Variants in USP4 observed in about 807,000 individuals in gnomAD.
USP4 encodes ubiquitin carboxyl-terminal hydrolase 4.
Under a neutral mutation model 118.2 loss-of-function variants are expected in USP4, and 72 were observed. The observed-to-expected ratio is 0.61, with a 90% confidence interval of 0.50 to 0.74. USP4 has a LOEUF of 0.74. USP4 is among the 30% of genes least tolerant of loss of function. USP4 has a pLI of 0.00. For synonymous variants in USP4, 415 were observed against 440.4 expected (o/e 0.94, Z 0.72); for missense variants, 1,037 against 1,185.7 (o/e 0.87, Z 1.84).
At chr3:49,300,428 T>C (rs769175382) in intron 11 of USP4, 39 bp downstream of exon 11, 5 of 1,589,426 alleles carry the variant, frequency 3.1e-6, no homozygotes, top group African/African-American at 2.7e-5. Flanking sequence ...TGGAGACCAC[T>C]TGCAGTGAGG....
At chr3:49,323,422 G>A (rs1180650696) in intron 6 of USP4, among the ~76,000 whole-genome samples, 1 of 152,032 alleles carries the variant, frequency 6.6e-6, no homozygotes, top group Non-Finnish European at 1.5e-5. Flanking sequence ...GGGACTACAG[G>A]CACTCACCAT....
intron 10 of USP4, 80 bp downstream of exon 10, chr3:49,302,304 G>T: frequency 6.6e-7 from 1 of 1,504,534 alleles, no homozygotes; most frequent in South Asian, 1.3e-5. Context: ...AACACTCAAA[G>T]ACCAGAAGAA....
intron 15 of USP4, among the ~76,000 whole-genome samples, chr3:49,290,342 A>G (rs953849351): frequency 6.6e-6 from 1 of 152,198 alleles, no homozygotes; most frequent in Non-Finnish European, 1.5e-5. Context: ...TGAACCCAAG[A>G]GACTGAGGCT....
In USP4 at chr3:49,325,743, G is replaced by A. The variant is rs779610001; in HGVS notation, c.463C>T (p.His155Tyr). ...CCAATGGTGTCTGCCTTGCTGAAAT[G>A]GCAACTCAGCACATTGGTGGGGTCA... ...NSDPTNVLSC[H>Y]FSKADTIATI... Residue 155 changes from histidine to tyrosine, a missense_variant, in exon 4 of 22, where the codon CAT becomes TAT. His to Tyr is a moderately conservative substitution (Grantham distance 83). Coordinates refer to ENST00000265560, the MANE Select transcript of USP4 (RefSeq NM_003363.4). 2.5e-6 allele frequency: 4 copies of A among 1,613,816 alleles called. No individual in the cohort carries two copies. Among genetic ancestry groups the A allele is most frequent in the Non-Finnish European group, 3.4e-6 (4 of 1,179,884 alleles).
chr3:49,296,805 C>G (rs1347877836), intron 13 of USP4, among the ~76,000 whole-genome samples: 1 of 152,226 alleles, frequency 6.6e-6, no homozygotes, highest in African/African-American at 2.4e-5. Context: ...CTAAGCTCCC[C>G]ACAGGGTAAT....
chr3:49,310,601 T>C lies in USP4; in HGVS notation c.954+19A>G. The C allele has an allele frequency of 6.3e-7, 1 of 1,598,694 alleles. No individual in the cohort carries two copies. The highest frequency in any genetic ancestry group is 1.3e-5 in the African/African-American group (1 of 74,724). ...ACCTCAAGATGCTGTGTTATTTGAA[T>C]GGAAGTTCTCTCCTCTACCTGCAAA... On this transcript the variant is annotated intron_variant, in intron 8 of 21. Transcript: ENST00000265560.
At chr3:49,318,991 T>C (rs747205464) in intron 6 of USP4, among the ~76,000 whole-genome samples, 39 of 147,268 alleles carry the variant, frequency 2.6e-4, no homozygotes, top group Non-Finnish European at 4.6e-4. Flanking sequence ...TGCCAAGAAA[T>C]ATATTAAATT....
At chr3:49,317,362 TG>T in intron 6 of USP4, 1 of 1,165,006 alleles carries the variant, frequency 8.6e-7, no homozygotes, top group Non-Finnish European at 1.3e-6. Context: ...CTCCTCCTGC[TG>T]GATCTGCCAG....
At chr3:49,334,048 T>C (rs2047645727) in intron 2 of USP4, among the ~76,000 whole-genome samples, 1 of 151,528 alleles carries the variant, frequency 6.6e-6, no homozygotes, top group Admixed American at 6.6e-5. Flanking sequence ...CCCTGATCAC[T>C]GATCACCATA....
At chr3:49,292,786 T>C (rs1272817986) in intron 14 of USP4, among the ~76,000 whole-genome samples, 188 bp from the exon 15 acceptor site, 4 of 152,150 alleles carry the variant, frequency 2.6e-5, no homozygotes, top group Admixed American at 6.5e-5. Context: ...TCCCAGCACA[T>C]TGGGAAGCCA....
At chr3:49,335,826 G>GA (rs888253157) in intron 1 of USP4, among the ~76,000 whole-genome samples, 1 of 152,170 alleles carries the variant, frequency 6.6e-6, no homozygotes, top group African/African-American at 2.4e-5. Context: ...ATAAAAGAAA[G>GA]AAAACAAGTG....
intron 11 of USP4, among the ~76,000 whole-genome samples, chr3:49,300,005 G>T (rs896657152): frequency 6.6e-6 from 1 of 152,086 alleles, no homozygotes; most frequent in African/African-American, 2.4e-5. Context: ...CAACACTTTG[G>T]GAGGCCAAGA....
rs763502724 is a variant in USP4, at chr3:49,281,489, TATACAC to T, written c.2541-648_2541-643del. ...AAAAAAGTATGTGTATATATATATA[TATACAC>T]ACACACACACACACACACACACACA... On this transcript the variant is annotated intron_variant, in intron 19 of 21. Transcript: ENST00000265560. 5.6e-4 allele frequency among the ~76,000 whole-genome samples: 61 copies of T among 109,128 alleles called. 2 individuals are homozygous for T. Among genetic ancestry groups the T allele is most frequent in the Middle Eastern group, 4.9e-3 (1 of 206 alleles). The allele number at this position is 109,128 out of a possible 152,430, so 71.6% of individuals were successfully genotyped here.
At chr3:49,288,831 C>T (rs766416647) in intron 15 of USP4, among the ~76,000 whole-genome samples, 13 of 151,842 alleles carry the variant, frequency 8.6e-5, no homozygotes, top group African/African-American at 2.2e-4. Flanking sequence ...GTGGTTATGC[C>T]GGGCACAATG....
chr3:49,284,761 T>C (rs1170453399), intron 17 of USP4, 88 bp downstream of exon 17: 11 of 1,355,254 alleles, frequency 8.1e-6, no homozygotes, highest in South Asian at 1.2e-5. Flanking sequence ...ACTTGCTAAA[T>C]TGCTGTCCAA....
At chr3:49,308,321 TTATTA>T (rs1472416879) in intron 8 of USP4, among the ~76,000 whole-genome samples, 4 of 151,944 alleles carry the variant, frequency 2.6e-5, no homozygotes, top group Non-Finnish European at 5.9e-5. Flanking sequence ...TATTTATACT[TTATTA>T]TATATTTTTT....
rs1042815898 is a variant in USP4, at chr3:49,284,904, G to C, written c.2216C>G (p.Ala739Gly). Residue 739 changes from alanine (A) to glycine (G), a missense_variant, in exon 17 of 22, where the codon GCC (alanine) becomes GGC (glycine). Physicochemically the swap from Ala to Gly is moderately conservative, Grantham distance 60. This residue lies in a region of USP4 where 522 missense variants were observed against 592.6 expected (regional missense o/e 0.88). Transcript: ENST00000265560. ...CCGAGTTTCACTGTCCCAATCCATG[G>C]CCAGTGTAGATCGAGCTGAGGAGGA... ...LLKLNSRSTL[A>G]MDWDSETRRL... 1 of 1,612,974 alleles carries C rather than the reference G, an allele frequency of 6.2e-7. No homozygotes were observed. Among genetic ancestry groups the C allele is most frequent in the Non-Finnish European group, 8.5e-7 (1 of 1,179,538 alleles).
In USP4 at chr3:49,286,021, G is replaced by C. The variant is rs1471138356; in HGVS notation, c.2200+77C>G. The C allele has an allele frequency of 5.8e-6, 8 of 1,379,928 alleles. No homozygotes were observed. In the East Asian group the frequency reaches 1.9e-4, roughly 32 times the overall value. 85.5% of individuals were successfully genotyped at this position (1,379,928 alleles called of 1,614,324 possible). A position where few individuals can be genotyped will look rare whatever the true frequency, so the allele number is the denominator to read the frequency against. On this transcript the variant is annotated intron_variant, in intron 16 of 21. Coordinates refer to ENST00000265560, the MANE Select transcript of USP4 (RefSeq NM_003363.4). ...AGAGACTGTGAAAGCCCAATGCAGT[G>C]AGTGTCAAGTGTAAGGATTTTCAAA...
At position 49,325,049 on chromosome 3, in the gene USP4, G is replaced by C. The variant is rs767887190; in HGVS notation, c.488-10C>G. The C allele has an allele frequency of 2.5e-6, 4 of 1,611,078 alleles. No individual in the cohort carries two copies. In the East Asian group the frequency reaches 6.7e-5, roughly 27 times the overall value. On this transcript the variant is annotated splice_polypyrimidine_tract_variant and intron_variant, in intron 4 of 21. Coordinates refer to ENST00000265560, the MANE Select transcript of USP4 (RefSeq NM_003363.4). ...TCTTTCTCGATGGTTGCTAGGAACA[G>C]GCAGAAATATCACTTGGGGCTTTGT...
Sources: allele counts gnomAD v4.1 joint callset (sites outside exome capture counted in the v4.1 genomes callset), GRCh38; gene constraint gnomAD v4.1.1; regional missense constraint gnomAD v4.1.1; transcripts MANE v1.5; gene names NCBI Gene and HGNC (gene_info 2026-07-23, HGNC 2026-07-21).